ATRIP: variants seen among roughly 807,000 people sequenced by gnomAD.
ATRIP encodes ATR-interacting protein.
ATRIP carries 44 observed loss-of-function variants against 78.1 expected under a neutral mutation model. The observed-to-expected ratio is 0.56, with a 90% CI of 0.44 to 0.72. ATRIP has a LOEUF of 0.72. Ranked by LOEUF, ATRIP falls within the 30% of genes least tolerant of loss-of-function variation. The probability of loss-of-function intolerance (pLI) is 0.00; values close to 1 mark genes in which losing one functional copy is unlikely to be tolerated. For missense variants in ATRIP, 927 were observed against 980.2 expected (o/e 0.95, Z 0.72); for synonymous variants, 388 against 408.9 (o/e 0.95, Z 0.62).
At chr3:48,452,290 G>A (rs1396354392) in intron 3 of ATRIP, among the ~76,000 whole-genome samples, 2 of 152,178 alleles carry the variant, frequency 1.3e-5, no homozygotes, top group African/African-American at 2.4e-5. Flanking sequence ...ATCTTGCCAG[G>A]ACATTTTTAT....
At chr3:48,447,449 T>C in intron 1 of ATRIP, 2 of 1,008,824 alleles carry the variant, frequency 2.0e-6, no homozygotes, top group Non-Finnish European at 2.4e-6. Context: ...TTGTGACAAG[T>C]TTGAGCGGCT....
intron 10 of ATRIP, 151 bp downstream of exon 10, chr3:48,464,283 G>A: frequency 1.3e-6 from 1 of 766,856 alleles, no homozygotes; most frequent in Admixed American, 2.4e-5. Context: ...ACTCAGTTTG[G>A]GGGCTGTGCA....
rs2040196080 is a variant in ATRIP, at chr3:48,464,052, C to T, written c.1894C>T (p.Leu632=). The T allele has an allele frequency of 6.2e-7, 1 of 1,613,176 alleles. No individual in the cohort carries two copies. The highest frequency in any genetic ancestry group is 1.3e-5 in the African/African-American group (1 of 75,040). ...QLCSHSEGCL[L]LLLYMYITSR... ...GCTGTCCTTTTCAGAAGGCTGCCTC[C>T]TGCTGCTGCTGTACATGTACATCAC... is the stretch of plus-strand genomic sequence containing the variant. Residue 632 remains leucine (L), a synonymous_variant, in exon 10 of 13, where the codon CTG becomes TTG. Coordinates refer to ENST00000320211, the MANE Select transcript of ATRIP (RefSeq NM_130384.3).
chr3:48,451,844 T>C lies in ATRIP; in HGVS notation c.497T>C (p.Leu166Pro), dbSNP rs112322775. The change falls in exon 3 of 13, where the codon CTT (leucine) becomes CCT (proline). Residue 166 changes from leucine (L) to proline (P), a missense_variant. By Grantham distance (98) the Leu-to-Pro change is moderately conservative. Coordinates refer to ENST00000320211, the MANE Select transcript of ATRIP (RefSeq NM_130384.3). ...LEEQRRSHFLLEQEKTQALSD... is the reference protein window; with the variant it reads ...LEEQRRSHFLPEQEKTQALSD... Reference sequence around the variant, plus strand: ...GAACAGAGAAGATCACATTTTCTTCTTGAGCAAGAGAAAACCCAAGCACTC... The same window carrying C: ...GAACAGAGAAGATCACATTTTCTTCCTGAGCAAGAGAAAACCCAAGCACTC... The C allele has an allele frequency of 6.2e-7, 1 of 1,612,748 alleles. No individual in the cohort carries two copies. Among genetic ancestry groups the C allele is most frequent in the Non-Finnish European group, 8.5e-7 (1 of 1,179,144 alleles).
intron 1 of ATRIP, chr3:48,447,634 T>A (rs761046269): frequency 1.5e-4 from 106 of 728,736 alleles, no homozygotes; most frequent in Non-Finnish European, 1.7e-4. Flanking sequence ...AAACTGTCCT[T>A]CATGGAGCTT....
chr3:48,465,356 G>T, intron 12 of ATRIP, 131 bp from the exon 13 acceptor site: 1 of 967,052 alleles, frequency 1.0e-6, no homozygotes. Flanking sequence ...GTTTGCAGTA[G>T]CTGAGGGAGC....
intron 1 of ATRIP, among the ~76,000 whole-genome samples, chr3:48,447,858 A>G (rs2039721744): frequency 6.6e-6 from 1 of 152,214 alleles, no homozygotes; most frequent in African/African-American, 2.4e-5. Context: ...GGAAGTAACT[A>G]GCACGACTCT....
Position 48,465,949 on chromosome 3 carries a change from A to T in ATRIP, c.*395A>T, listed in dbSNP as rs1028372555. 3.5e-6 allele frequency: 1 copy of T among 286,248 alleles called. No homozygotes were observed. Among genetic ancestry groups the T allele is most frequent in the African/African-American group, 2.2e-5 (1 of 45,574 alleles). The allele number at this position is 286,248 out of a possible 1,614,324, so 17.7% of individuals were successfully genotyped here. On this transcript the variant is annotated 3_prime_UTR_variant, in exon 13 of 13. Coordinates refer to ENST00000320211, the MANE Select transcript of ATRIP (RefSeq NM_130384.3). ...AACTGGGACCCACAGGTGGGCATGA[A>T]AGGGCCGCAGCAGGGGCTCCCAGCA...
In ATRIP at chr3:48,466,665, C is replaced by A. The variant is rs2040319464; in HGVS notation, c.*1111C>A. 1.2e-6 allele frequency: 2 copies of A among 1,613,938 alleles called. No individual in the cohort carries two copies. Among genetic ancestry groups the A allele is most frequent in the African/African-American group, 2.7e-5 (2 of 74,904 alleles). ...AGGTACGTACCCAACCATGGGCTCG[C>A]AGGCCCTGCCCCCGGGGCCCATGCA... On this transcript the variant is annotated 3_prime_UTR_variant, in exon 13 of 13. Coordinates refer to ENST00000320211, the MANE Select transcript of ATRIP (RefSeq NM_130384.3).
chr3:48,447,228 G>A (rs2039702089), intron 1 of ATRIP, 136 bp downstream of exon 1: 1 of 1,270,176 alleles, frequency 7.9e-7, no homozygotes, highest in Non-Finnish European at 9.9e-7. Flanking sequence ...CCTGATTTAA[G>A]CAGCGGTTGT....
At chr3:48,455,745 A>G (rs9826247) in intron 4 of ATRIP, among the ~76,000 whole-genome samples, 94,164 of 151,298 alleles carry the variant, frequency 0.62, 29,681 homozygotes, top group African/African-American at 0.73. Context: ...TGATCCACCC[A>G]CCTCAGCCTC....
chr3:48,446,748 A>C lies in ATRIP; in HGVS notation c.-98A>C. On this transcript the variant is annotated 5_prime_UTR_variant, in exon 1 of 13. Coordinates refer to ENST00000320211, the MANE Select transcript of ATRIP (RefSeq NM_130384.3). ...GCCAGGGGCGGGGCACTCGCGGCGG[A>C]GGCAAGCGGCGGCGCGCGGACGGTT... 1 of 1,306,070 alleles carries C rather than the reference A, an allele frequency of 7.7e-7. No individual in the cohort carries two copies. Among genetic ancestry groups the C allele is most frequent in the African/African-American group, 1.5e-5 (1 of 65,532 alleles). 80.9% of individuals were successfully genotyped at this position (1,306,070 alleles called of 1,614,324 possible).
At position 48,446,863 on chromosome 3, in the gene ATRIP, G is replaced by T. The variant is rs776253376; in HGVS notation, c.18G>T (p.Ala6=). ...CGGAAAGCATGGCGGGGACCTCCGC[G>T]CCAGGCAGCAAGAGGCGGAGCGAGC... is the stretch of plus-strand genomic sequence containing the variant. The part of the protein sequence containing the change: MAGTS[A]PGSKRRSEPP... The change falls in exon 1 of 13, where the codon GCG becomes GCT. Residue 6 remains alanine (A), a synonymous_variant. Coordinates refer to ENST00000320211, the MANE Select transcript of ATRIP (RefSeq NM_130384.3). The T allele has an allele frequency of 1.5e-5, 21 of 1,401,720 alleles. No individual in the cohort carries two copies. Among genetic ancestry groups the T allele is most frequent in the Non-Finnish European group, 1.9e-5 (21 of 1,080,144 alleles). The allele number at this position is 1,401,720 out of a possible 1,614,324, so 86.8% of individuals were successfully genotyped here.
Position 48,467,085 on chromosome 3 carries a change from A to T in ATRIP, c.*1531A>T, listed in dbSNP as rs2040351031. On this transcript the variant is annotated 3_prime_UTR_variant, in exon 13 of 13. Coordinates refer to ENST00000320211, the MANE Select transcript of ATRIP (RefSeq NM_130384.3). ...AGCAGAGCTGGCTATGCTGGGCCTC[A>T]CCAGTGCTCTGGATGGTGCCTTCTG... 1 of 1,613,918 alleles carries T rather than the reference A, an allele frequency of 6.2e-7. No homozygotes were observed. The highest frequency in any genetic ancestry group is 1.7e-5 in the Admixed American group (1 of 60,020).
rs1169070270 is a variant in ATRIP, at chr3:48,464,982, T to C, written c.2207T>C (p.Leu736Pro). The change falls in exon 12 of 13, where the codon CTC becomes CCC. Residue 736 changes from leucine (L) to proline (P), a missense_variant. Physicochemically the swap from Leu to Pro is moderately conservative, Grantham distance 98. Coordinates refer to ENST00000320211, the MANE Select transcript of ATRIP (RefSeq NM_130384.3). ...CACGGCCTATCGCAGAAGGACAAGC[T>C]CTTCATGATGCACTGCGTGGAGGTC... ...LLHGLSQKDK[L>P]FMMHCVEVLH... is the part of the protein sequence containing the mutation. 1.9e-6 allele frequency: 3 copies of C among 1,614,090 alleles called. No homozygotes were observed. Among genetic ancestry groups the C allele is most frequent in the East Asian group, 4.5e-5 (2 of 44,880 alleles).
At chr3:48,455,248 A>C (rs530893022) in intron 4 of ATRIP, among the ~76,000 whole-genome samples, 1 of 152,270 alleles carries the variant, frequency 6.6e-6, no homozygotes, top group African/African-American at 2.4e-5. Flanking sequence ...GCAGTGTGTG[A>C]AACTGAACTC....
chr3:48,447,141 C>T (rs757967012), intron 1 of ATRIP, 49 bp downstream of exon 1: 1 of 1,432,062 alleles, frequency 7.0e-7, no homozygotes, highest in South Asian at 1.5e-5. Context: ...TCAACCGCGC[C>T]AGATCCCCTT....
Position 48,466,744 on chromosome 3 carries a change from A to G in ATRIP, c.*1190A>G, listed in dbSNP as rs1340882700. 2 of 1,613,944 alleles carry G rather than the reference A, an allele frequency of 1.2e-6. No individual in the cohort carries two copies. Among genetic ancestry groups the G allele is most frequent in the South Asian group, 1.1e-5 (1 of 91,090 alleles). On this transcript the variant is annotated 3_prime_UTR_variant, in exon 13 of 13. Transcript: ENST00000320211. ...ACTGGCTTGCCCTTCTCCCAGCCCA[A>G]GGTCACGGAGCTGTGCCTGCTGGCT...
In ATRIP at chr3:48,466,661, C is replaced by T. The variant is rs1457063888; in HGVS notation, c.*1107C>T. 2 of 1,614,086 alleles carry T rather than the reference C, an allele frequency of 1.2e-6. No individual in the cohort carries two copies. The highest frequency in any genetic ancestry group is 1.3e-5 in the African/African-American group (1 of 75,044). ...CAGCAGGTACGTACCCAACCATGGG[C>T]TCGCAGGCCCTGCCCCCGGGGCCCA... On this transcript the variant is annotated 3_prime_UTR_variant, in exon 13 of 13. Transcript: ENST00000320211.
Sources: gnomAD v4.1 joint callset for allele counts (sites outside exome capture counted in the v4.1 genomes callset) on GRCh38, gnomAD v4.1.1 for gene constraint, MANE v1.5 for transcripts, NCBI Gene and HGNC (gene_info 2026-07-23, HGNC 2026-07-21) for gene names.